PPP1R9A: variants seen among roughly 807,000 people sequenced by gnomAD.
PPP1R9A encodes neurabin-1.
A neutral mutation model predicts 141.9 loss-of-function variants in PPP1R9A; 59 were observed. The observed-to-expected ratio is 0.42, with a 90% CI of 0.34 to 0.52. The LOEUF is 0.52. Ranked by LOEUF, PPP1R9A falls within the 20% of genes least tolerant of loss-of-function variation. PPP1R9A has a pLI of 0.10. For synonymous variants in PPP1R9A, 500 were observed against 569.7 expected (o/e 0.88, Z 1.74); for missense variants, 1,444 against 1,611.9 (o/e 0.90, Z 1.78).
At chr7:95,094,916 G>A (rs1385700288) in intron 2 of PPP1R9A, among the ~76,000 whole-genome samples, 3 of 135,246 alleles carry the variant, frequency 2.2e-5, no homozygotes, top group African/African-American at 7.8e-5. Context: ...GGAACAAAAG[G>A]CGATTTTTAC....
chr7:94,979,657 A>G (rs1799855650), intron 2 of PPP1R9A, among the ~76,000 whole-genome samples: 1 of 152,204 alleles, frequency 6.6e-6, no homozygotes. Flanking sequence ...GGCAAGTGTC[A>G]TTATTACCTC....
At chr7:94,961,940 T>C (rs1797689650) in intron 2 of PPP1R9A, among the ~76,000 whole-genome samples, 1 of 151,956 alleles carries the variant, frequency 6.6e-6, no homozygotes, top group African/African-American at 2.4e-5. Context: ...ACTATGTGCC[T>C]AAAAGTATTC....
intron 2 of PPP1R9A, chr7:95,018,374 G>C (rs1805412732): frequency 5.2e-6 from 1 of 192,682 alleles, no homozygotes; most frequent in Admixed American, 5.0e-5. Flanking sequence ...TATGTTTCTT[G>C]TGTATCACTA....
At chr7:94,943,260 G>A (rs1164881506) in intron 2 of PPP1R9A, among the ~76,000 whole-genome samples, 1 of 152,188 alleles carries the variant, frequency 6.6e-6, no homozygotes, top group Non-Finnish European at 1.5e-5. Context: ...TATCTCCCCA[G>A]AGGGGTATAG....
At chr7:95,260,460 C>T (rs1181819144) in intron 12 of PPP1R9A, among the ~76,000 whole-genome samples, 1 of 152,094 alleles carries the variant, frequency 6.6e-6, no homozygotes, top group African/African-American at 2.4e-5. Flanking sequence ...GGGTGGATCA[C>T]CTGAGGTCAG....
At chr7:95,248,127 G>A (rs561220115) in intron 9 of PPP1R9A, among the ~76,000 whole-genome samples, 43 of 149,684 alleles carry the variant, frequency 2.9e-4, no homozygotes, top group South Asian at 1.1e-3. Flanking sequence ...TAAGGCACTC[G>A]TATGAGACAC....
chr7:95,091,148 A>G (rs1817289901), intron 2 of PPP1R9A, among the ~76,000 whole-genome samples: 1 of 151,298 alleles, frequency 6.6e-6, no homozygotes, highest in Non-Finnish European at 1.5e-5. Flanking sequence ...TTTTAAAGTA[A>G]TGTTGTGATT....
Position 95,292,860 on chromosome 7 carries a change from A to G in PPP1R9A, c.*2557A>G, listed in dbSNP as rs150185200. The G allele has an allele frequency of 1.1e-4, 16 of 152,238 alleles. No individual in the cohort carries two copies. In the East Asian group the frequency reaches 2.9e-3, roughly 28 times the overall value. 9.4% of individuals were successfully genotyped at this position (152,238 alleles called of 1,614,324 possible). A position where few individuals can be genotyped will look rare whatever the true frequency, so the allele number is the denominator to read the frequency against. ...GATCTTGTGCACATTTTGTTTTCCT[A>G]TTATTTCTTTTATTGACTGTAGTGC... On this transcript the variant is annotated 3_prime_UTR_variant, in exon 20 of 20. Transcript: ENST00000433360.
chr7:95,044,784 C>G (rs1809770125), intron 2 of PPP1R9A, among the ~76,000 whole-genome samples: 2 of 149,964 alleles, frequency 1.3e-5, no homozygotes, highest in Non-Finnish European at 3.0e-5. Context: ...TGTGGTCCAA[C>G]CTGGTCTGGA....
chr7:95,002,912 C>T (rs1186782383), intron 2 of PPP1R9A, among the ~76,000 whole-genome samples: 1 of 152,100 alleles, frequency 6.6e-6, no homozygotes, highest in Non-Finnish European at 1.5e-5. Context: ...AGCCTCATTA[C>T]TCCTTGGATG....
Position 95,091,168 on chromosome 7 carries a change from G to T in PPP1R9A, c.1396-20091G>T, listed in dbSNP as rs937936346. Reference sequence around the variant, plus strand: ...AAGTAATGTTGTGATTAATGTCAGTGTGCAGAAATATTTCTGTATATCTGT... The same window carrying T: ...AAGTAATGTTGTGATTAATGTCAGTTTGCAGAAATATTTCTGTATATCTGT... On this transcript the variant is annotated intron_variant, in intron 2 of 19. Coordinates refer to ENST00000433360, the MANE Select transcript of PPP1R9A (RefSeq NM_001166160.2). 4.0e-5 allele frequency among the ~76,000 whole-genome samples: 6 copies of T among 151,564 alleles called. 1 individual carries two copies. Among genetic ancestry groups the T allele is most frequent in the African/African-American group, 1.5e-4 (6 of 41,100 alleles).
At chr7:94,965,035 T>C (rs1798050520) in intron 2 of PPP1R9A, among the ~76,000 whole-genome samples, 1 of 152,214 alleles carries the variant, frequency 6.6e-6, no homozygotes, top group African/African-American at 2.4e-5. Flanking sequence ...CATGAGATGG[T>C]ATCTCATTGT....
chr7:95,042,315 A>G (rs1809363858), intron 2 of PPP1R9A, among the ~76,000 whole-genome samples: 1 of 152,178 alleles, frequency 6.6e-6, no homozygotes, highest in Admixed American at 6.6e-5. Flanking sequence ...AATTTTGTCT[A>G]CACAACCTAA....
At chr7:95,094,171 A>G (rs1324876291) in intron 2 of PPP1R9A, among the ~76,000 whole-genome samples, 1 of 152,198 alleles carries the variant, frequency 6.6e-6, no homozygotes, top group Non-Finnish European at 1.5e-5. Context: ...TGAAAGGAAG[A>G]GTAGTGCTAA....
intron 3 of PPP1R9A, among the ~76,000 whole-genome samples, chr7:95,113,527 A>G (rs1362881702): frequency 6.6e-6 from 1 of 152,234 alleles, no homozygotes; most frequent in Non-Finnish European, 1.5e-5. Context: ...TCCAGGCCAA[A>G]AAATACCCAA....
chr7:95,264,606 T>C (rs1800971956), intron 12 of PPP1R9A, among the ~76,000 whole-genome samples: 1 of 152,188 alleles, frequency 6.6e-6, no homozygotes, highest in Non-Finnish European at 1.5e-5. Context: ...GTATTGAAAA[T>C]AGTCTTAAAA....
intron 2 of PPP1R9A, among the ~76,000 whole-genome samples, chr7:95,010,949 A>G (rs1804332607): frequency 6.6e-6 from 1 of 152,202 alleles, no homozygotes; most frequent in Admixed American, 6.5e-5. Flanking sequence ...TTGCACGTAG[A>G]AAGTAGGTAA....
At chr7:95,241,181 G>A (rs1797402789) in intron 8 of PPP1R9A, among the ~76,000 whole-genome samples, 1 of 152,130 alleles carries the variant, frequency 6.6e-6, no homozygotes, top group Non-Finnish European at 1.5e-5. Flanking sequence ...GGCACTTACT[G>A]AAGCCACCCA....
At chr7:94,983,226 A>G (rs1447526594) in intron 2 of PPP1R9A, among the ~76,000 whole-genome samples, 1 of 152,184 alleles carries the variant, frequency 6.6e-6, no homozygotes, top group African/African-American at 2.4e-5. Context: ...TGTTTTGGTT[A>G]CTGTAGCCTT....
Sources: allele counts gnomAD v4.1 joint callset (sites outside exome capture counted in the v4.1 genomes callset), GRCh38; gene constraint gnomAD v4.1.1; transcripts MANE v1.5; gene names NCBI Gene and HGNC (gene_info 2026-07-23, HGNC 2026-07-21).